MFSD12: variants seen among roughly 807,000 people sequenced by gnomAD.
MFSD12 encodes the protein major facilitator superfamily domain containing 12.
A neutral mutation model predicts 51.2 loss-of-function variants in MFSD12; 67 were observed. The ratio of observed to expected loss-of-function variants is 1.31; its 90% CI spans 1.08 to 1.60. MFSD12 has a LOEUF of 1.60. Ranked by LOEUF, MFSD12 falls within the 40% of genes most tolerant of loss-of-function variation. The pLI is 0.00. For synonymous variants in MFSD12, 441 were observed against 316.7 expected (o/e 1.39, Z -4.17); for missense variants, 921 against 673.0 (o/e 1.37, Z -4.08).
At chr19:3,542,594 C>G, downstream of MFSD12, 5 of 753,374 alleles carry the variant, frequency 6.6e-6, no homozygotes, top group South Asian at 3.0e-4. Context: ...CTGCCTCAGC[C>G]TCCTGAGTAG....
At chr19:3,547,122 G>A (rs994734984) in intron 6 of MFSD12, 150 bp downstream of exon 6, 6 of 689,952 alleles carry the variant, frequency 8.7e-6, no homozygotes, top group Non-Finnish European at 1.5e-5. Flanking sequence ...ACAGGCGTGA[G>A]CCACCGTGCC....
chr19:3,549,073 A>C (rs763725328), intron 2 of MFSD12, among the ~76,000 whole-genome samples: 1 of 152,166 alleles, frequency 6.6e-6, no homozygotes, highest in South Asian at 2.1e-4. Context: ...CCCACCTCCC[A>C]GCTCACGGGG....
chr19:3,546,157 C>G lies in MFSD12; in HGVS notation c.1206G>C (p.Ala402=), dbSNP rs532811136. Residue 402 remains alanine (A), a synonymous_variant, in exon 8 of 10, where the codon GCG becomes GCC. Transcript: ENST00000355415. ...DLIGPHTNSG[A]FVYGSMSFLD... ...AGAAGCTCATGGAGCCGTACACGAACGCTCCGCTGTTCTGTGGAGACACAG... is the reference window on the plus strand; with the variant it reads ...AGAAGCTCATGGAGCCGTACACGAAGGCTCCGCTGTTCTGTGGAGACACAG... 1 of 1,613,054 alleles carries G rather than the reference C, an allele frequency of 6.2e-7. No individual in the cohort carries two copies. Among genetic ancestry groups the G allele is most frequent in the Admixed American group, 1.7e-5 (1 of 60,008 alleles).
At chr19:3,543,790 G>A (rs2030675437), downstream of MFSD12, 12 of 1,496,366 alleles carry the variant, frequency 8.0e-6, no homozygotes, top group Non-Finnish European at 9.9e-6. Context: ...CCAACGGCGA[G>A]GAGGTGGGGG....
At chr19:3,557,041 G>A (rs1482410123) in intron 1 of MFSD12, 65 bp downstream of exon 1, 10 of 1,269,778 alleles carry the variant, frequency 7.9e-6, no homozygotes, top group Non-Finnish European at 8.9e-6. Context: ...GTCAGAGGGA[G>A]GAGGCGCCCG....
intron 1 of MFSD12, among the ~76,000 whole-genome samples, chr19:3,552,458 G>A (rs903860376): frequency 5.7e-5 from 7 of 123,580 alleles, no homozygotes; most frequent in Non-Finnish European, 6.5e-5. Context: ...GTGAGCCACC[G>A]CGCCCCGCCT....
downstream of MFSD12, chr19:3,539,941 TCC>T (rs2030220968): frequency 6.6e-6 from 1 of 152,162 alleles, no homozygotes; most frequent in Non-Finnish European, 1.5e-5. Flanking sequence ...TTGCTCCATT[TCC>T]AAGGAAAGAA....
chr19:3,547,183 A>G, intron 6 of MFSD12, 89 bp downstream of exon 6: 1 of 1,185,084 alleles, frequency 8.4e-7, no homozygotes, highest in Non-Finnish European at 1.3e-6. Context: ...GCCTGAGAGC[A>G]TCCGAGGATG....
chr19:3,548,389 G>A (rs1461165254), intron 2 of MFSD12, 122 bp from the exon 3 acceptor site: 3 of 1,323,342 alleles, frequency 2.3e-6, no homozygotes, highest in African/African-American at 3.0e-5. Flanking sequence ...TCCAACCACT[G>A]CCACACTGGG....
chr19:3,539,099 C>T (rs573449521), intron 4 of MFSD12: 103 of 950,474 alleles, frequency 1.1e-4, no homozygotes, highest in Middle Eastern at 2.8e-4. Context: ...GCGTGGTTGC[C>T]GAGACACTGG....
At chr19:3,553,924 A>C (rs2031608967) in intron 1 of MFSD12, among the ~76,000 whole-genome samples, 1 of 147,552 alleles carries the variant, frequency 6.8e-6, no homozygotes, top group Admixed American at 6.8e-5. Context: ...TCTACTAAAA[A>C]TACAAAAATT....
In MFSD12 at chr19:3,547,199, C is replaced by G. The variant is rs909748153; in HGVS notation, c.1023+73G>C. Reference sequence around the variant, plus strand: ...CCTGAGAGCATCCGAGGATGGAACCCGGAGCGGGTGGGATCTCGGCTGCAG... The same window carrying G: ...CCTGAGAGCATCCGAGGATGGAACCGGGAGCGGGTGGGATCTCGGCTGCAG... On this transcript the variant is annotated intron_variant, in intron 6 of 9. Transcript: ENST00000355415. 2.2e-6 allele frequency: 3 copies of G among 1,351,568 alleles called. No homozygotes were observed. The African/African-American group carries it at 4.3e-5, about 19-fold the overall frequency. The allele number at this position is 1,351,568 out of a possible 1,614,324, so 83.7% of individuals were successfully genotyped here. A position where few individuals can be genotyped will look rare whatever the true frequency, so the allele number is the denominator to read the frequency against.
At position 3,538,771 on chromosome 19, in the gene MFSD12, C is replaced by T. The variant is rs371429810; in HGVS notation, c.*6-15G>A. The T allele has an allele frequency of 6.0e-5, 31 of 517,128 alleles. No homozygotes were observed. In the East Asian group the frequency reaches 9.6e-4, roughly 16 times the overall value. 32.0% of individuals were successfully genotyped at this position (517,128 alleles called of 1,614,324 possible). On this transcript the variant is annotated splice_polypyrimidine_tract_variant and intron_variant, in intron 4 of 4. Coordinates refer to the MFSD12 transcript ENST00000398558. ...CAGGTCTCATCCTGGGTGTATTTTA[C>T]AAACGGACTGGATGTGAGTGGGTGA...
chr19:3,546,088 G>A lies in MFSD12; in HGVS notation c.1275C>T (p.Ser425=). ...GCGGCACTCACGGGCAAGGGTGCAG[G>A]CTCTGGATGGCCATGACTGCCAGCC... ...ANGLAVMAIQ[S]LHPCPSELCC... Residue 425 remains serine (S), a synonymous_variant, in exon 8 of 10, where the codon AGC becomes AGT. Transcript: ENST00000355415. The A allele has an allele frequency of 1.2e-6, 2 of 1,613,366 alleles. No homozygotes were observed. The highest frequency in any genetic ancestry group is 1.7e-5 in the Admixed American group (1 of 60,028).
At chr19:3,539,328 C>A, downstream of MFSD12, 1 of 871,296 alleles carries the variant, frequency 1.1e-6, no homozygotes, top group South Asian at 1.4e-5. Flanking sequence ...TGTCAGGTTA[C>A]ATGGTGTTTG....
chr19:3,549,705 A>G (rs892409752), intron 2 of MFSD12, among the ~76,000 whole-genome samples: 4 of 131,822 alleles, frequency 3.0e-5, no homozygotes, highest in Admixed American at 8.5e-5. Context: ...CCTGGGTGAC[A>G]GAGTGAGACT....
chr19:3,544,570 A>C lies in MFSD12; in HGVS notation c.*140T>G, dbSNP rs1042537554. 4 of 1,452,384 alleles carry C rather than the reference A, an allele frequency of 2.8e-6. No homozygotes were observed. The highest frequency in any genetic ancestry group is 1.5e-5 in the South Asian group (1 of 68,804). 90.0% of individuals were successfully genotyped at this position (1,452,384 alleles called of 1,614,324 possible). ...ATCCCTGCTGCCCTCACCCGACCCC[A>C]CCCCCGGGAGCTGGGTGAGGATGGA... On this transcript the variant is annotated 3_prime_UTR_variant, in exon 10 of 10. Transcript: ENST00000355415.
At chr19:3,545,996 A>G (rs1357512431) in intron 8 of MFSD12, 78 bp downstream of exon 8, 1 of 1,484,634 alleles carries the variant, frequency 6.7e-7, no homozygotes, top group East Asian at 2.3e-5. Context: ...CCAGACCCAG[A>G]ACACTGCTGG....
At chr19:3,543,453 G>C (rs753766049), downstream of MFSD12, 4 of 1,543,700 alleles carry the variant, frequency 2.6e-6, no homozygotes, top group South Asian at 1.2e-5. Flanking sequence ...TACCAACACC[G>C]TGAGTGCAGC....
Sources: allele counts gnomAD v4.1 joint callset (sites outside exome capture counted in the v4.1 genomes callset), GRCh38; gene constraint gnomAD v4.1.1; transcripts MANE v1.5; gene names NCBI Gene and HGNC (gene_info 2026-07-23, HGNC 2026-07-21).